CTIF: variants seen among roughly 807,000 people sequenced by gnomAD.
CTIF encodes CBP80/20-dependent translation initiation factor.
In CTIF, 21 loss-of-function variants were observed where a neutral mutation model predicts 66.0. That is an observed-to-expected ratio of 0.32 (90% CI 0.23 to 0.46). CTIF has a LOEUF of 0.46. Ranked by LOEUF, CTIF falls within the 20% of genes least tolerant of loss-of-function variation. CTIF has a pLI of 1.00. For missense variants in CTIF, 739 were observed against 812.7 expected (o/e 0.91, Z 1.10); for synonymous variants, 345 against 326.4 (o/e 1.06, Z -0.62).
chr18:48,673,127 C>T (rs970454752), intron 6 of CTIF, among the ~76,000 whole-genome samples: 1 of 152,156 alleles, frequency 6.6e-6, no homozygotes, highest in Non-Finnish European at 1.5e-5. Flanking sequence ...GGCATGGCTC[C>T]CACCACGTCG....
At chr18:48,688,167 C>T (rs1435513779) in intron 6 of CTIF, 1 of 152,224 alleles carries the variant, frequency 6.6e-6, no homozygotes, top group African/African-American at 2.4e-5. Flanking sequence ...GAGGCAAGGC[C>T]AGTCTGTGCA....
intron 1 of CTIF, among the ~76,000 whole-genome samples, chr18:48,557,061 T>C (rs1733144037): frequency 6.6e-6 from 1 of 151,668 alleles, no homozygotes; most frequent in Non-Finnish European, 1.5e-5. Context: ...CATAGGCAAA[T>C]ACAGTGTGGT....
chr18:48,811,780 T>G (rs1259264755), intron 9 of CTIF, among the ~76,000 whole-genome samples: 1 of 152,230 alleles, frequency 6.6e-6, no homozygotes, highest in Non-Finnish European at 1.5e-5. Context: ...ACTGTATGTA[T>G]ATATCACGTA....
intron 10 of CTIF, among the ~76,000 whole-genome samples, chr18:48,838,414 G>T (rs188443577): frequency 1.3e-5 from 2 of 152,006 alleles, no homozygotes; most frequent in African/African-American, 2.4e-5. Context: ...TGCAGTGGCC[G>T]CCTGGAAGAT....
chr18:48,786,018 C>A (rs775625936), intron 9 of CTIF, among the ~76,000 whole-genome samples: 22 of 152,136 alleles, frequency 1.4e-4, no homozygotes, highest in Non-Finnish European at 1.9e-4. Context: ...GAGTTTGAAT[C>A]ACTCATCCGA....
At chr18:48,808,815 G>GT (rs372659960) in intron 9 of CTIF, among the ~76,000 whole-genome samples, 7 of 152,204 alleles carry the variant, frequency 4.6e-5, no homozygotes, top group African/African-American at 1.7e-4. Flanking sequence ...TAAGAGTAGT[G>GT]TAACTCTTTC....
intron 10 of CTIF, among the ~76,000 whole-genome samples, chr18:48,830,485 T>C (rs1481839697): frequency 6.6e-6 from 1 of 152,154 alleles, no homozygotes; most frequent in Non-Finnish European, 1.5e-5. Flanking sequence ...TTGTTGATTA[T>C]AAATTGACTT....
At chr18:48,738,111 C>T (rs1023242538) in intron 7 of CTIF, among the ~76,000 whole-genome samples, 3 of 152,180 alleles carry the variant, frequency 2.0e-5, no homozygotes, top group Non-Finnish European at 2.9e-5. Flanking sequence ...TTCTTGCAGT[C>T]GCTGAGGCCA....
At chr18:48,748,076 C>A (rs1018268428) in intron 7 of CTIF, among the ~76,000 whole-genome samples, 1 of 152,034 alleles carries the variant, frequency 6.6e-6, no homozygotes, top group Non-Finnish European at 1.5e-5. Flanking sequence ...TTAAAATGCC[C>A]AATCCTTTGC....
chr18:48,593,404 G>A (rs1419934098), intron 1 of CTIF, among the ~76,000 whole-genome samples: 10 of 146,352 alleles, frequency 6.8e-5, no homozygotes, highest in East Asian at 4.0e-4. Flanking sequence ...TTTTTGAGAC[G>A]GACTCTCGCT....
At chr18:48,760,453 A>T (rs971216259) in intron 8 of CTIF, 2 of 152,194 alleles carry the variant, frequency 1.3e-5, no homozygotes, top group African/African-American at 4.8e-5. Context: ...GAGTGAAATC[A>T]CTTACCCAAA....
At position 48,685,030 on chromosome 18, in the gene CTIF, ATTTTTT is replaced by A. The variant is rs35327726; in HGVS notation, c.507+14297_507+14302del. 2.8e-4 allele frequency among the ~76,000 whole-genome samples: 38 copies of A among 133,628 alleles called. 1 individual carries two copies. Among genetic ancestry groups the A allele is most frequent in the African/African-American group, 1.0e-3 (38 of 36,620 alleles). 87.7% of individuals were successfully genotyped at this position (133,628 alleles called of 152,430 possible). A position where few individuals can be genotyped will look rare whatever the true frequency, so the allele number is the denominator to read the frequency against. ...AGTTTTTGTTTTTTTGTTTGTTTGTATTTTTTTTTTTTTTTTGGTTTAGAACCTATA... is the reference window on the plus strand; with the variant it reads ...AGTTTTTGTTTTTTTGTTTGTTTGTATTTTTTTTTTGGTTTAGAACCTATA... On this transcript the variant is annotated intron_variant, in intron 6 of 11. Transcript: ENST00000256413.
intron 9 of CTIF, among the ~76,000 whole-genome samples, chr18:48,773,573 C>T (rs1210741041): frequency 2.6e-5 from 4 of 152,216 alleles, no homozygotes; most frequent in Admixed American, 6.5e-5. Flanking sequence ...TGGTGGGCTC[C>T]AAGAGCTTCT....
chr18:48,751,129 C>A (rs541798504), intron 7 of CTIF, among the ~76,000 whole-genome samples: 1 of 152,218 alleles, frequency 6.6e-6, no homozygotes, highest in South Asian at 2.1e-4. Context: ...CATTCTTCTG[C>A]ATCCCTGTGA....
At chr18:48,628,264 CA>C (rs2090638650) in intron 2 of CTIF, among the ~76,000 whole-genome samples, 1 of 152,104 alleles carries the variant, frequency 6.6e-6, no homozygotes. Flanking sequence ...GTTGGTCCAC[CA>C]GTTCGATGCA....
chr18:48,844,659 T>A (rs2069029351), intron 10 of CTIF, among the ~76,000 whole-genome samples: 1 of 152,144 alleles, frequency 6.6e-6, no homozygotes, highest in Non-Finnish European at 1.5e-5. Flanking sequence ...ACCACAAATT[T>A]CCTGACATCT....
intron 10 of CTIF, among the ~76,000 whole-genome samples, chr18:48,843,951 G>A (rs1034814581): frequency 2.6e-5 from 4 of 152,214 alleles, no homozygotes; most frequent in Admixed American, 6.5e-5. Flanking sequence ...CGTTGCAGTG[G>A]TGCCTAACTC....
At chr18:48,746,269 G>C (rs919449239) in intron 7 of CTIF, among the ~76,000 whole-genome samples, 2 of 151,944 alleles carry the variant, frequency 1.3e-5, no homozygotes, top group Non-Finnish European at 2.9e-5. Flanking sequence ...CAGCCCCCAG[G>C]CACACCCATG....
intron 10 of CTIF, chr18:48,826,736 A>G (rs2068589525): frequency 1.3e-5 from 2 of 152,214 alleles, no homozygotes; most frequent in Non-Finnish European, 1.5e-5. Context: ...TGCTCATTCA[A>G]CAAGCAATGA....
Sources: gnomAD v4.1 joint callset for allele counts (sites outside exome capture counted in the v4.1 genomes callset) on GRCh38, gnomAD v4.1.1 for gene constraint, MANE v1.5 for transcripts, NCBI Gene and HGNC (gene_info 2026-07-23, HGNC 2026-07-21) for gene names.